The following SPRED2 variants were observed in gnomAD, a reference collection of about 807,000 sequenced individuals.
The protein encoded by SPRED2 is sprouty-related, EVH1 domain-containing protein 2.
A neutral mutation model predicts 43.0 loss-of-function variants in SPRED2; 47 were observed. The ratio of observed to expected loss-of-function variants is 1.09; its 90% CI spans 0.87 to 1.40. The LOEUF is 1.40. SPRED2 is among the 40% of genes most tolerant of loss of function. SPRED2 has a pLI of 0.00. For synonymous variants in SPRED2, 225 were observed against 225.7 expected (o/e 1.00, Z 0.03); for missense variants, 561 against 586.4 (o/e 0.96, Z 0.45).
At chr2:65,314,651 TTC>T (rs1251027155) in intron 5 of SPRED2, among the ~76,000 whole-genome samples, 1 of 152,238 alleles carries the variant, frequency 6.6e-6, no homozygotes, top group Non-Finnish European at 1.5e-5. Context: ...GTATGGTATG[TTC>T]TCTTTTGTAA....
chr2:65,323,438 G>A (rs1287406361), intron 4 of SPRED2, among the ~76,000 whole-genome samples: 1 of 152,096 alleles, frequency 6.6e-6, no homozygotes, highest in Non-Finnish European at 1.5e-5. Flanking sequence ...ACCCAGAAAG[G>A]AGAGAGTAAG....
intron 4 of SPRED2, among the ~76,000 whole-genome samples, chr2:65,331,657 C>T (rs557731100): frequency 6.6e-6 from 1 of 152,198 alleles, no homozygotes; most frequent in African/African-American, 2.4e-5. Context: ...GGACTAGGGA[C>T]ATTTTGTGCT....
At chr2:65,328,606 G>A (rs1014887284) in intron 4 of SPRED2, among the ~76,000 whole-genome samples, 25 of 152,166 alleles carry the variant, frequency 1.6e-4, no homozygotes, top group African/African-American at 5.8e-4. Flanking sequence ...CCACATCACT[G>A]TCCCTTTCCT....
rs112443387 is a variant in SPRED2, at chr2:65,375,691, A to G, written c.27-30795T>C. Reference sequence around the variant, plus strand: ...AAAAGGTACATTTGTGGCAGAGCCGAGAATAGATCCCAAGTGTCCTTGAAT... The same window carrying G: ...AAAAGGTACATTTGTGGCAGAGCCGGGAATAGATCCCAAGTGTCCTTGAAT... On this transcript the variant is annotated intron_variant, in intron 1 of 5. Transcript: ENST00000356388. Among the ~76,000 whole-genome samples, 840 of 152,360 alleles carry G rather than the reference A, an allele frequency of 5.5e-3. 4 individuals carry two copies. The highest frequency in any genetic ancestry group is 0.018 in the African/African-American group (756 of 41,584).
chr2:65,336,410 C>T (rs978893559), intron 2 of SPRED2, among the ~76,000 whole-genome samples: 2 of 146,690 alleles, frequency 1.4e-5, no homozygotes, highest in Admixed American at 7.1e-5. Flanking sequence ...AATGAATGTT[C>T]CCTAACTTAA....
Position 65,316,862 on chromosome 2 carries a change from T to G in SPRED2, c.460A>C (p.Asn154His). ...VFTTATDSSS[N>H]SSQKREQPTR... ...GGTTGCTCTCTCTTCTGAGAGGAAT[T>G]AGAAGAACTGTCTGTAGCTGTCTGT... The change falls in exon 5 of 6, where the codon AAT (asparagine) becomes CAT (histidine). Residue 154 changes from asparagine (N) to histidine (H), a missense_variant. By Grantham distance (68) the Asn-to-His change is moderately conservative (BLOSUM62 1). Around this residue, in one of 6 missense-constraint regions of SPRED2, gnomAD observed 305 missense variants for 282.4 expected, o/e 1.08. Coordinates refer to ENST00000356388, the MANE Select transcript of SPRED2 (RefSeq NM_181784.3). The G allele has an allele frequency of 6.2e-7, 1 of 1,613,934 alleles. No homozygotes were observed. The highest frequency in any genetic ancestry group is 8.5e-7 in the Non-Finnish European group (1 of 1,179,986).
chr2:65,396,768 G>A (rs1239613820), intron 1 of SPRED2, among the ~76,000 whole-genome samples: 3 of 152,234 alleles, frequency 2.0e-5, no homozygotes, highest in Non-Finnish European at 4.4e-5. Flanking sequence ...CCAGAGCCAA[G>A]GGTGTTGCCA....
chr2:65,377,309 G>A (rs150275732), intron 1 of SPRED2, among the ~76,000 whole-genome samples: 2 of 152,248 alleles, frequency 1.3e-5, no homozygotes, highest in African/African-American at 4.8e-5. Flanking sequence ...CCCTTCTAAA[G>A]AAGAAAAAAG....
chr2:65,405,291 TATAGTG>T (rs964670442), intron 1 of SPRED2, among the ~76,000 whole-genome samples: 1 of 152,226 alleles, frequency 6.6e-6, no homozygotes, highest in African/African-American at 2.4e-5. Context: ...TGAGGTGATA[TATAGTG>T]ATAGTGATAG....
chr2:65,331,941 AT>A, intron 4 of SPRED2, 45 bp downstream of exon 4: 1 of 1,473,090 alleles, frequency 6.8e-7, no homozygotes, highest in South Asian at 1.2e-5. Flanking sequence ...CCTTTCTCTG[AT>A]TATTCAACAA....
At chr2:65,342,147 ATATGTATATTTTATATACATATATTATG>A (rs1558659926) in intron 2 of SPRED2, among the ~76,000 whole-genome samples, 18 of 149,068 alleles carry the variant, frequency 1.2e-4, no homozygotes, top group Admixed American at 4.7e-4. Context: ...ATAAGATTTT[ATATGTATATTTTATATACATATATTATG>A]TATGTATATT....
At chr2:65,345,879 C>A (rs1402145770) in intron 1 of SPRED2, among the ~76,000 whole-genome samples, 1 of 152,166 alleles carries the variant, frequency 6.6e-6, no homozygotes, top group African/African-American at 2.4e-5. Flanking sequence ...AGCTTCTTTT[C>A]ATTCTTCATC....
chr2:65,366,857 G>T, intron 1 of SPRED2: 1 of 1,106,752 alleles, frequency 9.0e-7, no homozygotes, highest in Non-Finnish European at 1.1e-6. Context: ...TCTCAAAAGT[G>T]GAAACTGGAA....
chr2:65,366,935 A>G, intron 1 of SPRED2: 1 of 231,268 alleles, frequency 4.3e-6, no homozygotes, highest in Non-Finnish European at 7.1e-6. Flanking sequence ...AGTTATGATT[A>G]CCAATCATTG....
In SPRED2 at chr2:65,314,186, G is replaced by A. The variant is rs2104106777; in HGVS notation, c.589-17C>T. 6.4e-7 allele frequency: 1 copy of A among 1,555,214 alleles called. No individual in the cohort carries two copies. The highest frequency in any genetic ancestry group is 8.7e-7 in the Non-Finnish European group (1 of 1,147,120). On this transcript the variant is annotated splice_polypyrimidine_tract_variant and intron_variant, in intron 5 of 5. Transcript: ENST00000356388. ...TGGCATCGGCTGTCCCGTAGGAGAG[G>A]AGACATTATTTTACAGCAGCGGCCA...
Position 65,325,907 on chromosome 2 carries a change from C to T in SPRED2, c.438+6080G>A, listed in dbSNP as rs140031476. Among the ~76,000 whole-genome samples, 1,478 of 151,806 alleles carry T rather than the reference C, an allele frequency of 9.7e-3. 14 individuals carry two copies. The highest frequency in any genetic ancestry group is 0.041 in the Middle Eastern group (12 of 292). On this transcript the variant is annotated intron_variant, in intron 4 of 5. Coordinates refer to ENST00000356388, the MANE Select transcript of SPRED2 (RefSeq NM_181784.3). The stretch of plus-strand genomic sequence containing the variant: ...CTGAGGCAGGAGAATCACTTGAACC[C>T]GGGAGGCGGAGGTTACATTGAGCTG...
Position 65,334,630 on chromosome 2 carries a change from C to T in SPRED2, c.348G>A (p.Arg116=), listed in dbSNP as rs765961709. ...CTTCTATAAGGTCTTCGATTGCTTT[C>T]CTTACTCCCCTGTCAAAGGCTCGGG... ...ADARAFDRGV[R]KAIEDLIEGS... Residue 116 remains arginine, a synonymous_variant, in exon 3 of 6, where the codon AGG becomes AGA. Coordinates refer to ENST00000356388, the MANE Select transcript of SPRED2 (RefSeq NM_181784.3). 2 of 1,614,244 alleles carry T rather than the reference C, an allele frequency of 1.2e-6. No individual in the cohort carries two copies. Among genetic ancestry groups the T allele is most frequent in the East Asian group, 4.5e-5 (2 of 44,892 alleles).
At chr2:65,402,900 A>G (rs934830707) in intron 1 of SPRED2, among the ~76,000 whole-genome samples, 1 of 152,238 alleles carries the variant, frequency 6.6e-6, no homozygotes, top group African/African-American at 2.4e-5. Flanking sequence ...TTATTAACCA[A>G]AAAAGGGTTA....
At chr2:65,390,624 G>A (rs1408417929) in intron 1 of SPRED2, among the ~76,000 whole-genome samples, 1 of 152,190 alleles carries the variant, frequency 6.6e-6, no homozygotes, top group South Asian at 2.1e-4. Context: ...CTCTGTAAAT[G>A]GGGATGCAAC....
Sources: gnomAD v4.1 joint callset for allele counts (sites outside exome capture counted in the v4.1 genomes callset) on GRCh38, gnomAD v4.1.1 for gene constraint, gnomAD v4.1.1 regional missense constraint, MANE v1.5 for transcripts, NCBI Gene and HGNC (gene_info 2026-07-23, HGNC 2026-07-21) for gene names.